Variants in SPIDR observed in about 807,000 individuals in gnomAD.
SPIDR encodes the protein DNA repair-scaffolding protein.
A neutral mutation model predicts 104.6 loss-of-function variants in SPIDR; 93 were observed. The ratio of observed to expected loss-of-function variants is 0.89; its 90% CI spans 0.75 to 1.06. The LOEUF is 1.06. SPIDR is among the 50% of genes least tolerant of loss of function. SPIDR has a pLI of 0.00. For missense variants in SPIDR, 1,154 were observed against 1,111.2 expected (o/e 1.04, Z -0.55); for synonymous variants, 431 against 416.9 (o/e 1.03, Z -0.41).
intron 5 of SPIDR, among the ~76,000 whole-genome samples, chr8:47,336,485 G>A (rs1459874633): frequency 6.6e-6 from 1 of 152,184 alleles, no homozygotes. Flanking sequence ...GGTTTAGGTA[G>A]CAGGAAAAAA....
intron 10 of SPIDR, among the ~76,000 whole-genome samples, chr8:47,650,321 G>A (rs1449949302): frequency 6.6e-6 from 1 of 152,052 alleles, no homozygotes; most frequent in Non-Finnish European, 1.5e-5. Context: ...TGACCAAGCG[G>A]GGAATCAAAT....
chr8:47,346,042 A>G (rs1385542449), intron 5 of SPIDR, among the ~76,000 whole-genome samples: 3 of 152,204 alleles, frequency 2.0e-5, no homozygotes, highest in Non-Finnish European at 4.4e-5. Flanking sequence ...GTCTTGTGCC[A>G]GTTTTCAAAG....
intron 8 of SPIDR, among the ~76,000 whole-genome samples, chr8:47,479,150 G>A (rs1409125554): frequency 2.6e-5 from 4 of 152,088 alleles, no homozygotes; most frequent in African/African-American, 9.7e-5. Context: ...CTTGAGGCCA[G>A]GAGTTCGAGA....
intron 5 of SPIDR, among the ~76,000 whole-genome samples, chr8:47,299,029 A>G (rs1234453688): frequency 1.3e-5 from 2 of 152,264 alleles, no homozygotes; most frequent in East Asian, 1.9e-4. Context: ...CATTGAATCT[A>G]TAAATTACCT....
At chr8:47,518,827 G>A (rs987590241) in intron 8 of SPIDR, among the ~76,000 whole-genome samples, 4 of 151,944 alleles carry the variant, frequency 2.6e-5, no homozygotes, top group African/African-American at 9.7e-5. Context: ...AGTAAAGACA[G>A]GGTTTCACTG....
chr8:47,387,807 C>T (rs1393565473), intron 5 of SPIDR, among the ~76,000 whole-genome samples: 1 of 152,226 alleles, frequency 6.6e-6, no homozygotes, highest in African/African-American at 2.4e-5. Flanking sequence ...CAACAGTCTT[C>T]TCAACGTGTC....
chr8:47,654,189 C>G (rs761628823), intron 10 of SPIDR: 2 of 1,288,102 alleles, frequency 1.6e-6, no homozygotes, highest in South Asian at 1.2e-5. Flanking sequence ...AGAAGGAGCA[C>G]TGTAGCAGCA....
intron 19 of SPIDR, among the ~76,000 whole-genome samples, chr8:47,734,077 A>G (rs1032748890): frequency 2.6e-5 from 4 of 152,160 alleles, no homozygotes; most frequent in African/African-American, 7.2e-5. Context: ...GGTGGCATCA[A>G]TATTCATTCT....
chr8:47,663,988 A>G (rs2154464814), intron 10 of SPIDR, among the ~76,000 whole-genome samples: 1 of 152,340 alleles, frequency 6.6e-6, no homozygotes, highest in South Asian at 2.1e-4. Flanking sequence ...CTATGAATGG[A>G]ATCAAAAATA....
chr8:47,283,810 G>A (rs913260036), intron 2 of SPIDR, among the ~76,000 whole-genome samples: 16 of 152,072 alleles, frequency 1.1e-4, no homozygotes, highest in African/African-American at 3.1e-4. Flanking sequence ...AATGGGAAAC[G>A]TTTTGGTCAG....
At chr8:47,341,442 G>C (rs1199698341) in intron 5 of SPIDR, among the ~76,000 whole-genome samples, 7 of 151,626 alleles carry the variant, frequency 4.6e-5, no homozygotes, top group Admixed American at 2.0e-4. Context: ...AACATGCATG[G>C]TTTTTGTTTG....
chr8:47,268,325 C>G (rs984557690), intron 1 of SPIDR, among the ~76,000 whole-genome samples: 1 of 152,136 alleles, frequency 6.6e-6, no homozygotes, highest in Admixed American at 6.5e-5. Context: ...GGGTTCATTA[C>G]ATTTCCATAT....
At chr8:47,509,395 T>C (rs2081987590) in intron 8 of SPIDR, among the ~76,000 whole-genome samples, 1 of 152,162 alleles carries the variant, frequency 6.6e-6, no homozygotes, top group South Asian at 2.1e-4. Context: ...TATTTCTACA[T>C]CTGTATTTTA....
intron 10 of SPIDR, among the ~76,000 whole-genome samples, chr8:47,647,648 GA>G (rs1563416018): frequency 6.1e-5 from 9 of 148,298 alleles, no homozygotes; most frequent in African/African-American, 2.3e-4. Flanking sequence ...GAGAGAGAGA[GA>G]GAGAGGGAGA....
At chr8:47,436,984 C>A (rs2068446352) in intron 7 of SPIDR, among the ~76,000 whole-genome samples, 1 of 152,188 alleles carries the variant, frequency 6.6e-6, no homozygotes, top group African/African-American at 2.4e-5. Context: ...CTGCTGTGTG[C>A]AGCACTGCAG....
At chr8:47,637,344 T>C (rs2068090131) in intron 10 of SPIDR, among the ~76,000 whole-genome samples, 1 of 152,152 alleles carries the variant, frequency 6.6e-6, no homozygotes, top group Non-Finnish European at 1.5e-5. Flanking sequence ...CCAAGGTGGA[T>C]GGATCACTTG....
intron 8 of SPIDR, among the ~76,000 whole-genome samples, chr8:47,526,431 A>G (rs2084996116): frequency 6.6e-6 from 1 of 152,250 alleles, no homozygotes; most frequent in Admixed American, 6.5e-5. Context: ...TTTTGGTCAC[A>G]GGGAGCAAAA....
At position 47,470,775 on chromosome 8, in the gene SPIDR, C is replaced by A. The variant is rs143608422; in HGVS notation, c.1097+30233C>A. ...TTTGAGACGGAGTCTGGCTCTGTAG[C>A]CCAGGCTGGAGTGCAGTGGCGTGAT... On this transcript the variant is annotated intron_variant, in intron 8 of 19. Coordinates refer to ENST00000297423, the MANE Select transcript of SPIDR (RefSeq NM_001080394.4). Among the ~76,000 whole-genome samples, 94 of 151,896 alleles carry A rather than the reference C, an allele frequency of 6.2e-4. 1 individual carries two copies. In the East Asian group the frequency reaches 0.016, roughly 27 times the overall value.
intron 7 of SPIDR, 147 bp from the exon 8 acceptor site, chr8:47,440,176 T>A: frequency 1.5e-6 from 1 of 648,164 alleles, no homozygotes; most frequent in African/African-American, 1.8e-5. Flanking sequence ...GTAGTGTCTC[T>A]GTTTTACTTT....
Sources: gnomAD v4.1 joint callset for allele counts (sites outside exome capture counted in the v4.1 genomes callset) on GRCh38, gnomAD v4.1.1 for gene constraint, MANE v1.5 for transcripts, NCBI Gene and HGNC (gene_info 2026-07-23, HGNC 2026-07-21) for gene names.